TRIM26: variants seen among roughly 807,000 people sequenced by gnomAD.
TRIM26 encodes tripartite motif-containing protein 26.
In TRIM26, 16 loss-of-function variants were observed where a neutral mutation model predicts 45.5. The ratio of observed to expected loss-of-function variants is 0.35; its 90% CI spans 0.24 to 0.53. The LOEUF (loss-of-function observed/expected upper bound fraction) is 0.53. Among genes scored for constraint, TRIM26 ranks in the 20% least tolerant of loss-of-function variants. The pLI is 0.92. For missense variants in TRIM26, 442 were observed against 691.1 expected (o/e 0.64, Z 4.04); for synonymous variants, 273 against 290.4 (o/e 0.94, Z 0.61).
intron 1 of TRIM26, among the ~76,000 whole-genome samples, chr6:30,208,032 T>C (rs1207433986): frequency 6.6e-6 from 1 of 152,188 alleles, no homozygotes; most frequent in Non-Finnish European, 1.5e-5. Flanking sequence ...CACCAGCTTT[T>C]TCCATGAAAC....
rs1776471287 is a variant in TRIM26 at position 30,196,481 on chromosome 6, G to C, written c.765+35C>G. 6.3e-7 allele frequency: 1 copy of C among 1,590,194 alleles called. No individual in the cohort carries two copies. The highest frequency in any genetic ancestry group is 1.3e-5 in the African/African-American group (1 of 74,650). The stretch of plus-strand genomic sequence containing the variant: ...TGGCAGGGCTGGGACCCACCGTCCT[G>C]GTCCCTGGCGCCCTGCCCAGGGACG... On this transcript the variant is annotated intron_variant, in intron 6 of 9. Coordinates refer to ENST00000454678, the MANE Select transcript of TRIM26 (RefSeq NM_003449.5). The surrounding 1 kb of genome is among the most constrained non-coding windows in gnomAD (Gnocchi z 4.9).
intron 3 of TRIM26, among the ~76,000 whole-genome samples, chr6:30,199,946 T>C (rs1776972159): frequency 6.6e-6 from 1 of 152,040 alleles, no homozygotes; most frequent in Non-Finnish European, 1.5e-5. Flanking sequence ...AAGAGACCCC[T>C]TTTGTTTGCT....
In TRIM26 at chr6:30,189,593, T is replaced by C; in HGVS notation, c.789-60A>G. 1 of 1,357,744 alleles carries C rather than the reference T, an allele frequency of 7.4e-7. No individual in the cohort carries two copies. Among genetic ancestry groups the C allele is most frequent in the Non-Finnish European group, 1.1e-6 (1 of 951,704 alleles). The allele number at this position is 1,357,744 out of a possible 1,614,324, so 84.1% of individuals were successfully genotyped here. On this transcript the variant is annotated intron_variant, in intron 7 of 9. Coordinates refer to ENST00000454678, the MANE Select transcript of TRIM26 (RefSeq NM_003449.5). The surrounding 1 kb of genome is among the most constrained non-coding windows in gnomAD (Gnocchi z 5.0). ...AGCTCTTCTTACTTTCCTTCATACTTATCTCTCAATCCTCATGGCAATTAT... is the reference window on the plus strand; with the variant it reads ...AGCTCTTCTTACTTTCCTTCATACTCATCTCTCAATCCTCATGGCAATTAT...
At chr6:30,197,598 A>G (rs1776624098) in intron 5 of TRIM26, among the ~76,000 whole-genome samples, 1 of 152,214 alleles carries the variant, frequency 6.6e-6, no homozygotes, top group Non-Finnish European at 1.5e-5. Context: ...CCTTGGTATC[A>G]GTGGGTGATG....
intron 2 of TRIM26, among the ~76,000 whole-genome samples, chr6:30,201,400 T>A (rs1240982510): frequency 2.6e-5 from 4 of 152,266 alleles, no homozygotes; most frequent in African/African-American, 9.6e-5. Flanking sequence ...AAATTCCAAC[T>A]GGAAGCACTA....
At position 30,190,652 on chromosome 6, in the gene TRIM26, T is replaced by C. The variant is rs1482686722; in HGVS notation, c.766-617A>G. Among the ~76,000 whole-genome samples the C allele has an allele frequency of 6.6e-6, 1 of 152,234 alleles. No individual in the cohort carries two copies. Among genetic ancestry groups the C allele is most frequent in the Non-Finnish European group, 1.5e-5 (1 of 68,034 alleles). The stretch of plus-strand genomic sequence containing the variant: ...CTAAGTTCCAGCCAATGGAATGTGA[T>C]AGAAAGCAATGACCATAATTCTGGG... On this transcript the variant is annotated intron_variant, in intron 6 of 9. Transcript: ENST00000454678. This position sits in a 1 kb window ranked among gnomAD's most constrained non-coding sequence, Gnocchi z 4.3.
chr6:30,199,173 G>A lies in TRIM26; in HGVS notation c.-70C>T. ...CTTCTCCTTGGAGACGCGACATAGA[G>A]TCAGGAGCAAGCACAGTAAAGGGGC... On this transcript the variant is annotated 5_prime_UTR_variant, in exon 4 of 10. Coordinates refer to ENST00000454678, the MANE Select transcript of TRIM26 (RefSeq NM_003449.5). The A allele has an allele frequency of 1.4e-6, 2 of 1,472,692 alleles. No individual in the cohort carries two copies. Among genetic ancestry groups the A allele is most frequent in the Non-Finnish European group, 1.8e-6 (2 of 1,101,652 alleles). 91.2% of individuals were successfully genotyped at this position (1,472,692 alleles called of 1,614,324 possible). A position where few individuals can be genotyped will look rare whatever the true frequency, so the allele number is the denominator to read the frequency against.
intron 2 of TRIM26, among the ~76,000 whole-genome samples, chr6:30,201,971 G>A (rs1210212246): frequency 3.9e-5 from 6 of 152,204 alleles, no homozygotes. Flanking sequence ...TTGGAAAGAG[G>A]AAAAAGGAGT....
intron 2 of TRIM26, among the ~76,000 whole-genome samples, chr6:30,201,557 A>C (rs1405288386): frequency 1.3e-5 from 2 of 152,144 alleles, no homozygotes; most frequent in Non-Finnish European, 2.9e-5. Flanking sequence ...TAGAAATGCT[A>C]GGAATTGGCC....
Position 30,197,125 on chromosome 6 carries a change from G to A in TRIM26, c.535-379C>T, listed in dbSNP as rs533304663. Among the ~76,000 whole-genome samples, 160 of 152,252 alleles carry A rather than the reference G, an allele frequency of 1.1e-3. 4 individuals carry two copies. In the South Asian group the frequency reaches 0.03, roughly 28 times the overall value. On this transcript the variant is annotated intron_variant, in intron 5 of 9. Coordinates refer to ENST00000454678, the MANE Select transcript of TRIM26 (RefSeq NM_003449.5). Reference sequence around the variant, plus strand: ...TCACCTCTTCCAGGAAGTTTTGCTTGATTAATGTCATCTAAGCCTGACCAG... The same window carrying A: ...TCACCTCTTCCAGGAAGTTTTGCTTAATTAATGTCATCTAAGCCTGACCAG...
At position 30,193,078 on chromosome 6, in the gene TRIM26, G is replaced by A. The variant is rs12194200; in HGVS notation, c.766-3043C>T. On this transcript the variant is annotated intron_variant, in intron 6 of 9. Coordinates refer to ENST00000454678, the MANE Select transcript of TRIM26 (RefSeq NM_003449.5). ...AGCTTTGTAGTATATATATATATATGTATATATACATATATATGTATCTAT... is the reference window on the plus strand; with the variant it reads ...AGCTTTGTAGTATATATATATATATATATATATACATATATATGTATCTAT... Among the ~76,000 whole-genome samples, 7 of 90,826 alleles carry A rather than the reference G, an allele frequency of 7.7e-5. No individual in the cohort carries two copies. The South Asian group carries it at 1.1e-3, about 15-fold the overall frequency. 59.6% of individuals were successfully genotyped at this position (90,826 alleles called of 152,430 possible). A position where few individuals can be genotyped will look rare whatever the true frequency, so the allele number is the denominator to read the frequency against.
Position 30,189,896 on chromosome 6 carries a change from G to T in TRIM26, c.788+117C>A. 2 of 1,235,818 alleles carry T rather than the reference G, an allele frequency of 1.6e-6. No individual in the cohort carries two copies. The highest frequency in any genetic ancestry group is 1.2e-5 in the South Asian group (1 of 81,194). 76.6% of individuals were successfully genotyped at this position (1,235,818 alleles called of 1,614,324 possible). A position where few individuals can be genotyped will look rare whatever the true frequency, so the allele number is the denominator to read the frequency against. ...TCAGAAGGGCATCAGGATGAACCAT[G>T]GGATGTGAGTACCTCTGGCACCATA... is the stretch of plus-strand genomic sequence containing the variant. On this transcript the variant is annotated intron_variant, in intron 7 of 9. Transcript: ENST00000454678. The surrounding 1 kb of genome is among the most constrained non-coding windows in gnomAD (Gnocchi z 5.0).
chr6:30,199,597 G>A (rs1220604076), intron 3 of TRIM26, among the ~76,000 whole-genome samples: 1 of 151,962 alleles, frequency 6.6e-6, no homozygotes, highest in Non-Finnish European at 1.5e-5. Flanking sequence ...GAGCAGTCAT[G>A]GGGGTCCTGA....
In TRIM26 at chr6:30,207,906, C is replaced by A. The variant is rs1386845225; in HGVS notation, c.-375-3141G>T. 1.3e-5 allele frequency among the ~76,000 whole-genome samples: 2 copies of A among 152,228 alleles called. No individual in the cohort carries two copies. Among genetic ancestry groups the A allele is most frequent in the Non-Finnish European group, 2.9e-5 (2 of 68,046 alleles). On this transcript the variant is annotated intron_variant, in intron 1 of 9. Transcript: ENST00000454678. This position sits in a 1 kb window ranked among gnomAD's most constrained non-coding sequence, Gnocchi z 4.9. Reference sequence around the variant, plus strand: ...ACCTCCTCTGGCAATTCTTTCCTGACCTGTCAGATTGGGTCCACATGTAGT... The same window carrying A: ...ACCTCCTCTGGCAATTCTTTCCTGAACTGTCAGATTGGGTCCACATGTAGT...
Position 30,190,458 on chromosome 6 carries a change from T to A in TRIM26, c.766-423A>T, listed in dbSNP as rs969312163. 9.0e-6 allele frequency: 2 copies of A among 222,248 alleles called. No individual in the cohort carries two copies. Among genetic ancestry groups the A allele is most frequent in the Admixed American group, 1.0e-4 (2 of 20,032 alleles). The allele number at this position is 222,248 out of a possible 1,614,324, so 13.8% of individuals were successfully genotyped here. On this transcript the variant is annotated intron_variant, in intron 6 of 9. Transcript: ENST00000454678. This position sits in a 1 kb window ranked among gnomAD's most constrained non-coding sequence, Gnocchi z 4.3. ...CCACCAAGGGTTTCAAGTAGGGGCA[T>A]GATATGTGTGATCCGCTCTACATGT...
Position 30,185,857 on chromosome 6 carries a change from T to C in TRIM26, c.*19A>G, listed in dbSNP as rs137984178. On this transcript the variant is annotated 3_prime_UTR_variant, in exon 10 of 10. Coordinates refer to ENST00000454678, the MANE Select transcript of TRIM26 (RefSeq NM_003449.5). This position sits in a 1 kb window ranked among gnomAD's most constrained non-coding sequence, Gnocchi z 5.7. ...AAGTGAAGCATCTGAGGGTTGGGGC[T>C]GGGGGCAGATGTCAGGGCTCAGGGT... 3,290 of 1,596,896 alleles carry C rather than the reference T, an allele frequency of 2.1e-3. 13 individuals carry two copies. Among genetic ancestry groups the C allele is most frequent in the African/African-American group, 0.012 (896 of 74,676 alleles).
At chr6:30,210,417 C>A (rs1453580820) in intron 1 of TRIM26, among the ~76,000 whole-genome samples, 6 of 152,188 alleles carry the variant, frequency 3.9e-5, no homozygotes, top group African/African-American at 1.4e-4. Flanking sequence ...TCCTTGAAGG[C>A]TTGAATACAA....
chr6:30,193,328 C>T (rs1234958204), intron 6 of TRIM26, among the ~76,000 whole-genome samples: 2 of 150,042 alleles, frequency 1.3e-5, no homozygotes, highest in Non-Finnish European at 3.0e-5. Context: ...ATTATAGGTG[C>T]GCACCATCAC....
intron 6 of TRIM26, among the ~76,000 whole-genome samples, chr6:30,193,978 C>T (rs1364372482): frequency 6.6e-6 from 1 of 151,856 alleles, no homozygotes; most frequent in Non-Finnish European, 1.5e-5. Context: ...TTTGGTGGGG[C>T]CTTTAGGTTT....
Sources: gnomAD v4.1 joint callset for allele counts (sites outside exome capture counted in the v4.1 genomes callset) on GRCh38, gnomAD v4.1.1 for gene constraint, Gnocchi (gnomAD v3.1) non-coding constraint, MANE v1.5 for transcripts, NCBI Gene and HGNC (gene_info 2026-07-23, HGNC 2026-07-21) for gene names.